GRID2: variants seen among roughly 807,000 people sequenced by gnomAD.
The protein encoded by GRID2 is glutamate receptor ionotropic, delta-2.
Under a neutral mutation model 114.8 loss-of-function variants are expected in GRID2, and 33 were observed. The ratio of observed to expected loss-of-function variants is 0.29; its 90% CI spans 0.22 to 0.38. The LOEUF (loss-of-function observed/expected upper bound fraction) is 0.38. Among genes scored for constraint, GRID2 ranks in the 10% least tolerant of loss-of-function variants. GRID2 has a pLI of 1.00. For synonymous variants in GRID2, 505 were observed against 449.9 expected (o/e 1.12, Z -1.55); for missense variants, 1,184 against 1,257.7 (o/e 0.94, Z 0.89).
At chr4:93,309,596 T>C (rs1367195957) in intron 8 of GRID2, among the ~76,000 whole-genome samples, 2 of 151,894 alleles carry the variant, frequency 1.3e-5, no homozygotes, top group Non-Finnish European at 2.9e-5. Context: ...TGAATGAAAC[T>C]GGAGAGTCTG....
chr4:92,542,535 A>G (rs890546496), intron 1 of GRID2, among the ~76,000 whole-genome samples: 37 of 152,124 alleles, frequency 2.4e-4, no homozygotes, highest in African/African-American at 8.7e-4. Flanking sequence ...TCAGGAATGA[A>G]AAAACAAACA....
At chr4:92,658,756 C>A (rs1351885389) in intron 2 of GRID2, among the ~76,000 whole-genome samples, 2 of 147,798 alleles carry the variant, frequency 1.4e-5, no homozygotes, top group Non-Finnish European at 3.0e-5. Context: ...TAATTTTGAA[C>A]TACAATGAAT....
At chr4:93,050,269 C>A (rs923119689) in intron 2 of GRID2, among the ~76,000 whole-genome samples, 3 of 152,012 alleles carry the variant, frequency 2.0e-5, no homozygotes, top group Admixed American at 1.3e-4. Flanking sequence ...TCCTGAAATC[C>A]TGGTATCTCC....
At chr4:92,798,162 G>A (rs989638287) in intron 2 of GRID2, among the ~76,000 whole-genome samples, 10 of 151,760 alleles carry the variant, frequency 6.6e-5, no homozygotes, top group Admixed American at 2.6e-4. Context: ...TTTAAGAAGC[G>A]GATATTTCAA....
At chr4:93,161,919 G>T (rs1032677580) in intron 4 of GRID2, among the ~76,000 whole-genome samples, 2 of 151,482 alleles carry the variant, frequency 1.3e-5, no homozygotes, top group African/African-American at 4.8e-5. Context: ...CATAAAATCT[G>T]CTGGAATTTA....
At chr4:93,297,535 A>G (rs1311894865) in intron 8 of GRID2, among the ~76,000 whole-genome samples, 1 of 152,190 alleles carries the variant, frequency 6.6e-6, no homozygotes, top group Admixed American at 6.5e-5. Context: ...GGGCTCTGCA[A>G]TGAGACATGC....
chr4:92,911,765 G>A lies in GRID2; in HGVS notation c.245-173230G>A, dbSNP rs1338077862. On this transcript the variant is annotated intron_variant, in intron 2 of 15. Transcript: ENST00000282020. Reference sequence around the variant, plus strand: ...AATAGAGACTTGCTTTCAAGTATTGGCAAATAAATGCCTTTTTTTTTTTTA... The same window carrying A: ...AATAGAGACTTGCTTTCAAGTATTGACAAATAAATGCCTTTTTTTTTTTTA... Among the ~76,000 whole-genome samples the A allele has an allele frequency of 2.0e-5, 3 of 151,410 alleles. No individual in the cohort carries two copies. In the East Asian group the frequency reaches 5.8e-4, roughly 29 times the overall value.
At chr4:92,448,131 T>TATG (rs1733565437) in intron 1 of GRID2, among the ~76,000 whole-genome samples, 4 of 145,366 alleles carry the variant, frequency 2.8e-5, no homozygotes, top group South Asian at 4.5e-4. Flanking sequence ...GATTTTTATT[T>TATG]TATGTATGTA....
In GRID2 at chr4:92,442,017, G is replaced by A. The variant is rs546452956; in HGVS notation, c.88+137273G>A. Among the ~76,000 whole-genome samples the A allele has an allele frequency of 2.5e-3, 378 of 151,818 alleles. 4 individuals carry two copies. The Middle Eastern group carries it at 0.027, about 11-fold the overall frequency. On this transcript the variant is annotated intron_variant, in intron 1 of 15. Coordinates refer to ENST00000282020, the MANE Select transcript of GRID2 (RefSeq NM_001510.4). Reference sequence around the variant, plus strand: ...TTGTCTAAGTTGGCACCAGAGTTGGGGAGTTGTAAGAGGTTTAGAAGCCTG... The same window carrying A: ...TTGTCTAAGTTGGCACCAGAGTTGGAGAGTTGTAAGAGGTTTAGAAGCCTG...
At position 92,569,560 on chromosome 4, in the gene GRID2, A is replaced by G. The variant is rs138330012; in HGVS notation, c.89-20571A>G. ...GAGGAATCACCACATTGTCTTCCAC[A>G]AGGGTTGCACTAACTTATGTTCCTA... On this transcript the variant is annotated intron_variant, in intron 1 of 15. Coordinates refer to ENST00000282020, the MANE Select transcript of GRID2 (RefSeq NM_001510.4). Among the ~76,000 whole-genome samples, 431 of 152,222 alleles carry G rather than the reference A, an allele frequency of 2.8e-3. 5 individuals are homozygous for G. In the East Asian group the frequency reaches 0.031, roughly 11 times the overall value.
intron 1 of GRID2, among the ~76,000 whole-genome samples, chr4:92,446,062 C>T (rs1361198986): frequency 6.6e-6 from 1 of 152,170 alleles, no homozygotes; most frequent in African/African-American, 2.4e-5. Context: ...TCTCATGCCT[C>T]AAGCTCTGGA....
At chr4:93,454,973 G>A (rs1723050967) in intron 10 of GRID2, among the ~76,000 whole-genome samples, 1 of 152,072 alleles carries the variant, frequency 6.6e-6, no homozygotes, top group Non-Finnish European at 1.5e-5. Context: ...AATAGTAAAT[G>A]CTGTAGTTAA....
chr4:93,221,294 G>A (rs1744845325), intron 6 of GRID2, among the ~76,000 whole-genome samples: 1 of 152,114 alleles, frequency 6.6e-6, no homozygotes, highest in Non-Finnish European at 1.5e-5. Context: ...GATCAGCCTA[G>A]AAACGATACC....
At chr4:93,605,643 A>G (rs905723883) in intron 13 of GRID2, among the ~76,000 whole-genome samples, 3 of 152,192 alleles carry the variant, frequency 2.0e-5, no homozygotes, top group African/African-American at 7.2e-5. Context: ...GAAAGTGAAT[A>G]ATTCTTCAAC....
chr4:93,271,178 C>A (rs937843154), intron 8 of GRID2, among the ~76,000 whole-genome samples: 1 of 152,200 alleles, frequency 6.6e-6, no homozygotes, highest in East Asian at 1.9e-4. Context: ...TTCTGAAGCA[C>A]GTAGACATAT....
intron 2 of GRID2, among the ~76,000 whole-genome samples, chr4:92,844,840 A>G (rs1743186632): frequency 6.6e-6 from 1 of 152,160 alleles, no homozygotes; most frequent in Admixed American, 6.6e-5. Flanking sequence ...GTAGTATTAA[A>G]AAGCTATTCT....
intron 7 of GRID2, 24 bp from the exon 8 acceptor site, chr4:93,238,347 A>T: frequency 6.5e-7 from 1 of 1,537,310 alleles, no homozygotes; most frequent in Non-Finnish European, 8.8e-7. Context: ...CAAATTTTAC[A>T]TCAGTATCTG....
intron 13 of GRID2, among the ~76,000 whole-genome samples, chr4:93,557,428 G>T (rs986970669): frequency 6.6e-6 from 1 of 152,040 alleles, no homozygotes; most frequent in Non-Finnish European, 1.5e-5. Flanking sequence ...AGAAAGCAGG[G>T]GTTGCAGCCC....
chr4:93,124,436 T>C (rs1166538205), intron 4 of GRID2, among the ~76,000 whole-genome samples: 1 of 152,192 alleles, frequency 6.6e-6, no homozygotes, highest in Non-Finnish European at 1.5e-5. Flanking sequence ...GCTTAGTACA[T>C]AAATGGCAAA....
Sources: gnomAD v4.1 joint callset for allele counts (sites outside exome capture counted in the v4.1 genomes callset) on GRCh38, gnomAD v4.1.1 for gene constraint, MANE v1.5 for transcripts, NCBI Gene and HGNC (gene_info 2026-07-23, HGNC 2026-07-21) for gene names.